Variants in CEP112 observed in about 807,000 individuals in gnomAD.
CEP112 encodes the protein centrosomal protein 112.
In CEP112, 127 loss-of-function variants were observed where a neutral mutation model predicts 153.0. The ratio of observed to expected loss-of-function variants is 0.83; its 90% CI spans 0.72 to 0.96. The LOEUF is 0.96. Among genes scored for constraint, CEP112 ranks in the 40% least tolerant of loss-of-function variants. The pLI is 0.00. For synonymous variants in CEP112, 358 were observed against 374.4 expected (o/e 0.96, Z 0.51); for missense variants, 1,089 against 1,101.2 (o/e 0.99, Z 0.16).
chr17:66,038,920 TG>T (rs2065857232), intron 12 of CEP112, among the ~76,000 whole-genome samples: 2 of 152,150 alleles, frequency 1.3e-5, no homozygotes, highest in Non-Finnish European at 2.9e-5. Context: ...GGCAGGTTAC[TG>T]GAAGAGTCAG....
chr17:65,654,779 A>T (rs2045971484), intron 24 of CEP112: 1 of 372,468 alleles, frequency 2.7e-6, no homozygotes, highest in Admixed American at 3.8e-5. Flanking sequence ...GGAAAGACAG[A>T]AAATGGATAA....
At chr17:66,013,608 G>A (rs2064635924) in intron 16 of CEP112, among the ~76,000 whole-genome samples, 1 of 152,132 alleles carries the variant, frequency 6.6e-6, no homozygotes, top group South Asian at 2.1e-4. Flanking sequence ...TGTGTTAAAT[G>A]GGCCAAAGTG....
chr17:65,756,288 C>T (rs1457943123), intron 21 of CEP112, among the ~76,000 whole-genome samples: 3 of 151,784 alleles, frequency 2.0e-5, no homozygotes, highest in Non-Finnish European at 2.9e-5. Flanking sequence ...AGCCTGTAAT[C>T]CCAGCGACTT....
chr17:66,020,508 T>C (rs2064961586), intron 16 of CEP112, among the ~76,000 whole-genome samples: 1 of 152,176 alleles, frequency 6.6e-6, no homozygotes, highest in Non-Finnish European at 1.5e-5. Flanking sequence ...AATATAACCA[T>C]TTAATGGGTA....
chr17:66,129,733 T>C lies in CEP112; in HGVS notation c.642+13A>G, dbSNP rs759032249. On this transcript the variant is annotated intron_variant, in intron 6 of 26. Transcript: ENST00000535342. ...CACATCTATATATACATAAAGCAAA[T>C]ACTTTTTTTTACCCCAAGATTCCAA... 6 of 1,573,040 alleles carry C rather than the reference T, an allele frequency of 3.8e-6. No homozygotes were observed. The Admixed American group carries it at 6.8e-5, about 18-fold the overall frequency.
chr17:65,888,674 A>C (rs1316311030), intron 20 of CEP112, among the ~76,000 whole-genome samples: 2 of 152,224 alleles, frequency 1.3e-5, no homozygotes, highest in Non-Finnish European at 2.9e-5. Context: ...GGCAAGCAAG[A>C]GACAGAATGT....
chr17:66,014,477 C>A (rs2064684180), intron 16 of CEP112, among the ~76,000 whole-genome samples: 1 of 152,188 alleles, frequency 6.6e-6, no homozygotes, highest in Admixed American at 6.5e-5. Context: ...ACATGGCCAG[C>A]CTGAGGGAAT....
rs377717664 is a variant in CEP112 at position 66,070,007 on chromosome 17, A to C, written c.769-6T>G. ...ATTTTTGTTTTCATGTCCAGCTTCA[A>C]GAAAAATATTTCAAGGGTGTTATTA... On this transcript the variant is annotated splice_polypyrimidine_tract_variant and splice_region_variant and intron_variant, in intron 8 of 26. Transcript: ENST00000535342. 7.7e-6 allele frequency: 12 copies of C among 1,566,474 alleles called. No individual in the cohort carries two copies. In the African/African-American group the frequency reaches 1.5e-4, roughly 19 times the overall value.
At chr17:65,889,079 C>G (rs537971671) in intron 20 of CEP112, among the ~76,000 whole-genome samples, 1 of 152,258 alleles carries the variant, frequency 6.6e-6, no homozygotes, top group African/African-American at 2.4e-5. Context: ...CCTTACTGGT[C>G]TCAGGAGCAA....
intron 21 of CEP112, among the ~76,000 whole-genome samples, chr17:65,778,110 C>G (rs1484661532): frequency 6.6e-6 from 1 of 152,214 alleles, no homozygotes; most frequent in Non-Finnish European, 1.5e-5. Flanking sequence ...AGTCCCCACC[C>G]TGGTACTCAA....
intron 24 of CEP112, among the ~76,000 whole-genome samples, chr17:65,654,056 C>CAAAAAAAAAAAAAAAAA (rs773433478): frequency 2.2e-4 from 6 of 26,882 alleles, no homozygotes; most frequent in Non-Finnish European, 3.7e-4. Flanking sequence ...AAGACTCCAT[C>CAAAAAAAAAAAAAAAAA]AAAAAAAAAA....
chr17:65,801,836 C>T (rs993404963), intron 21 of CEP112, among the ~76,000 whole-genome samples: 1 of 152,154 alleles, frequency 6.6e-6, no homozygotes, highest in African/African-American at 2.4e-5. Flanking sequence ...ATCTGTGCTT[C>T]CTCAGGAACA....
chr17:66,080,190 A>G (rs1021842560), intron 8 of CEP112, among the ~76,000 whole-genome samples: 4 of 152,220 alleles, frequency 2.6e-5, no homozygotes, highest in African/African-American at 9.6e-5. Flanking sequence ...GCTTCTGCCC[A>G]GCAAAAGAAA....
At chr17:65,875,307 C>A (rs1204165240) in intron 20 of CEP112, among the ~76,000 whole-genome samples, 1 of 152,028 alleles carries the variant, frequency 6.6e-6, no homozygotes, top group East Asian at 1.9e-4. Context: ...CAAACTTTTT[C>A]CACTGAATGT....
chr17:65,948,294 A>G (rs2061707852), intron 18 of CEP112, among the ~76,000 whole-genome samples: 1 of 152,180 alleles, frequency 6.6e-6, no homozygotes, highest in African/African-American at 2.4e-5. Context: ...GTTAAAAAGA[A>G]AAGGAGTAGA....
chr17:65,665,682 T>C (rs1430601308), intron 24 of CEP112, among the ~76,000 whole-genome samples: 1 of 152,186 alleles, frequency 6.6e-6, no homozygotes, highest in Non-Finnish European at 1.5e-5. Context: ...GGTCACATAA[T>C]TTGAGCTATT....
intron 4 of CEP112, among the ~76,000 whole-genome samples, chr17:66,163,376 G>A (rs1235996542): frequency 1.3e-5 from 2 of 152,022 alleles, no homozygotes; most frequent in African/African-American, 4.8e-5. Flanking sequence ...AGGTAATATT[G>A]TTATATACCA....
intron 20 of CEP112, among the ~76,000 whole-genome samples, chr17:65,872,471 A>G (rs1461175237): frequency 1.3e-5 from 2 of 152,332 alleles, no homozygotes; most frequent in Admixed American, 6.5e-5. Context: ...AATTCTTGTC[A>G]TTATATTCTT....
At chr17:66,093,605 A>G (rs1240862917) in intron 8 of CEP112, among the ~76,000 whole-genome samples, 1 of 151,932 alleles carries the variant, frequency 6.6e-6, no homozygotes, top group Non-Finnish European at 1.5e-5. Context: ...AACCACTTAG[A>G]AATAAATTTG....
Sources: allele counts gnomAD v4.1 joint callset (sites outside exome capture counted in the v4.1 genomes callset), GRCh38; gene constraint gnomAD v4.1.1; transcripts MANE v1.5; gene names NCBI Gene and HGNC (gene_info 2026-07-23, HGNC 2026-07-21).